Variants in LIN28B observed in about 807,000 individuals in gnomAD.
LIN28B encodes the protein protein lin-28 homolog B.
In LIN28B, 5 loss-of-function variants were observed where a neutral mutation model predicts 21.9. The observed-to-expected ratio is 0.23, with a 90% CI of 0.12 to 0.48. The LOEUF is 0.48. LIN28B is among the 20% of genes least tolerant of loss of function. The pLI, the probability that LIN28B is intolerant of heterozygous loss-of-function variation, is 0.98. For synonymous variants in LIN28B, 109 were observed against 111.3 expected (o/e 0.98, Z 0.13); for missense variants, 245 against 310.5 (o/e 0.79, Z 1.58).
At chr6:105,009,618 C>T (rs181367669) in intron 2 of LIN28B, among the ~76,000 whole-genome samples, 1 of 152,310 alleles carries the variant, frequency 6.6e-6, no homozygotes, top group Admixed American at 6.5e-5. Context: ...GTCCCATCAA[C>T]TGTCATTGCA....
chr6:104,944,576 T>TC (rs1247700904), intron 2 of LIN28B, among the ~76,000 whole-genome samples: 1 of 152,062 alleles, frequency 6.6e-6, no homozygotes, highest in African/African-American at 2.4e-5. Flanking sequence ...TATTGACCTG[T>TC]CATTTGGGGG....
intron 3 of LIN28B, among the ~76,000 whole-genome samples, chr6:105,054,973 T>C (rs1199318528): frequency 6.6e-6 from 1 of 152,204 alleles, no homozygotes; most frequent in Non-Finnish European, 1.5e-5. Context: ...AAGGGTTTTT[T>C]TTAAACTACT....
chr6:105,045,187 T>A (rs1771725939), intron 3 of LIN28B, among the ~76,000 whole-genome samples: 1 of 151,956 alleles, frequency 6.6e-6, no homozygotes, highest in Non-Finnish European at 1.5e-5. Flanking sequence ...GTAAGCCTGT[T>A]TAAATCCTGA....
At chr6:104,995,068 T>C (rs1444059801) in intron 2 of LIN28B, among the ~76,000 whole-genome samples, 1 of 152,196 alleles carries the variant, frequency 6.6e-6, no homozygotes. Context: ...AGCTGGTAAG[T>C]ATAATGCATA....
chr6:104,944,073 G>A (rs1199782158), intron 2 of LIN28B, among the ~76,000 whole-genome samples: 1 of 152,042 alleles, frequency 6.6e-6, no homozygotes, highest in African/African-American at 2.4e-5. Context: ...CAGAAATTGT[G>A]TAGGGATTCA....
At chr6:105,008,808 A>G (rs1770867521) in intron 2 of LIN28B, among the ~76,000 whole-genome samples, 1 of 152,228 alleles carries the variant, frequency 6.6e-6, no homozygotes, top group African/African-American at 2.4e-5. Flanking sequence ...GAGTTCAAAG[A>G]CTTGACACAT....
intron 3 of LIN28B, among the ~76,000 whole-genome samples, chr6:105,069,718 C>G (rs1772293858): frequency 6.6e-6 from 1 of 151,766 alleles, no homozygotes. Flanking sequence ...AAGTTATCAT[C>G]CATTTTGATG....
At position 104,951,145 on chromosome 6, in the gene LIN28B, T is replaced by A. The variant is rs565277518; in HGVS notation, c.67+636T>A. ...TATATTATTAAAATTAACTTAAAAG[T>A]TATAGCACCATTTTTTAGTAACAAT... On this transcript the variant is annotated intron_variant, in intron 3 of 5. Coordinates refer to the LIN28B transcript ENST00000635857. Among the ~76,000 whole-genome samples, 3 of 152,284 alleles carry A rather than the reference T, an allele frequency of 2.0e-5. No individual in the cohort carries two copies. The South Asian group carries it at 6.2e-4, about 32-fold the overall frequency.
chr6:105,019,396 A>G (rs1771091582), intron 2 of LIN28B, among the ~76,000 whole-genome samples: 1 of 152,176 alleles, frequency 6.6e-6, no homozygotes, highest in African/African-American at 2.4e-5. Flanking sequence ...ATAGGGGTGT[A>G]TGCACAGGAT....
chr6:105,012,359 C>T (rs1433160875), intron 2 of LIN28B, among the ~76,000 whole-genome samples: 1 of 151,658 alleles, frequency 6.6e-6, no homozygotes, highest in East Asian at 1.9e-4. Context: ...ATCCCAGCTA[C>T]TCAGGAGGTT....
At chr6:104,992,843 A>G (rs760718179) in intron 2 of LIN28B, among the ~76,000 whole-genome samples, 2 of 151,906 alleles carry the variant, frequency 1.3e-5, no homozygotes, top group East Asian at 3.9e-4. Context: ...TTTCTTCTCT[A>G]TTAGCTTTAT....
intron 2 of LIN28B, among the ~76,000 whole-genome samples, chr6:104,944,872 A>C (rs1432804600): frequency 2.0e-5 from 3 of 152,114 alleles, no homozygotes; most frequent in Non-Finnish European, 4.4e-5. Flanking sequence ...TCAAGCAACC[A>C]GTTTCTAGTT....
chr6:104,986,914 A>G (rs988727469), intron 2 of LIN28B, among the ~76,000 whole-genome samples: 1 of 152,230 alleles, frequency 6.6e-6, no homozygotes, highest in Non-Finnish European at 1.5e-5. Context: ...TACTAGGGTC[A>G]ACGAACTTTC....
rs75819664 is a variant in LIN28B, at chr6:104,950,739, C to A, written c.67+230C>A. Among the ~76,000 whole-genome samples the A allele has an allele frequency of 1.1e-4, 16 of 152,054 alleles. No individual in the cohort carries two copies. In the East Asian group the frequency reaches 2.7e-3, roughly 26 times the overall value. On this transcript the variant is annotated intron_variant, in intron 3 of 5. Transcript: ENST00000635857. ...CTCTTCTAATTAACCCCTTTCCCCC[C>A]ACCCCCACTTTTAGCAGTATTGTAT... is the stretch of plus-strand genomic sequence containing the variant.
rs1482999625 is a variant in LIN28B at position 105,083,178 on chromosome 6, G to A, written c.*4395G>A. ...TTGGAATGCGTTTCACTCGCATGCA[G>A]TCATCTGGAGGGACTGAAGCACTGT... is the stretch of plus-strand genomic sequence containing the variant. On this transcript the variant is annotated 3_prime_UTR_variant, in exon 4 of 4. Coordinates refer to ENST00000345080, the MANE Select transcript of LIN28B (RefSeq NM_001004317.4). 1 of 152,630 alleles carries A rather than the reference G, an allele frequency of 6.6e-6. No homozygotes were observed. The highest frequency in any genetic ancestry group is 1.5e-5 in the Non-Finnish European group (1 of 68,046). The allele number at this position is 152,630 out of a possible 1,614,324, so 9.5% of individuals were successfully genotyped here.
intron 2 of LIN28B, among the ~76,000 whole-genome samples, chr6:104,976,056 G>C (rs1744206): frequency 0.48 from 72,687 of 151,804 alleles, 19,347 homozygotes; most frequent in East Asian, 0.69. Flanking sequence ...TGAGCCAGCA[G>C]TGTCACCCCA....
rs1294731832 is a variant in LIN28B at position 104,959,159 on chromosome 6, A to C, written c.198+873A>C. The stretch of plus-strand genomic sequence containing the variant: ...CTGCCTTTACTCCTCTCTACTGCTT[A>C]ATCCCTTTATAGTAAAAAAGATACT... On this transcript the variant is annotated intron_variant, in intron 2 of 3. Coordinates refer to ENST00000345080, the MANE Select transcript of LIN28B (RefSeq NM_001004317.4). Among the ~76,000 whole-genome samples, 6 of 152,218 alleles carry C rather than the reference A, an allele frequency of 3.9e-5. No homozygotes were observed. In the East Asian group the frequency reaches 9.6e-4, roughly 24 times the overall value.
At chr6:104,986,498 C>T (rs1349432920) in intron 2 of LIN28B, among the ~76,000 whole-genome samples, 1 of 147,732 alleles carries the variant, frequency 6.8e-6, no homozygotes, top group Non-Finnish European at 1.5e-5. Flanking sequence ...TCCTTTTCTT[C>T]TCCTTACAAA....
At chr6:105,052,232 G>T (rs1771921543) in intron 3 of LIN28B, among the ~76,000 whole-genome samples, 1 of 152,174 alleles carries the variant, frequency 6.6e-6, no homozygotes, top group East Asian at 1.9e-4. Context: ...AATTGGCAGG[G>T]TCATGTAGAC....
Sources: gnomAD v4.1 joint callset for allele counts (sites outside exome capture counted in the v4.1 genomes callset) on GRCh38, gnomAD v4.1.1 for gene constraint, MANE v1.5 for transcripts, NCBI Gene and HGNC (gene_info 2026-07-23, HGNC 2026-07-21) for gene names.